TM2D3: variants seen among roughly 807,000 people sequenced by gnomAD.
The protein encoded by TM2D3 is TM2 domain containing 3.
In TM2D3, 33 loss-of-function variants were observed where a neutral mutation model predicts 27.3. That is an observed-to-expected ratio of 1.21 (90% CI 0.92 to 1.61). The LOEUF is 1.61. Among genes scored for constraint, TM2D3 ranks in the 40% most tolerant of loss-of-function variants. The pLI is 0.00. For missense variants in TM2D3, 364 were observed against 320.8 expected, an observed-to-expected ratio of 1.13 and a Z score of -1.03; for synonymous variants, 138 against 122.2, an observed-to-expected ratio of 1.13 and a Z score of -0.85.
At chr15:101,646,371 T>C in intron 4 of TM2D3, 1 of 106,754 alleles carries the variant, frequency 9.4e-6, no homozygotes, top group Non-Finnish European at 2.5e-5. Flanking sequence ...GTGGTTACCT[T>C]GGAAGAGGAG....
At chr15:101,643,599 T>TTAAAAAAAA (rs1309191747) in intron 5 of TM2D3, among the ~76,000 whole-genome samples, 1 of 47,342 alleles carries the variant, frequency 2.1e-5, no homozygotes, top group Non-Finnish European at 3.9e-5. Context: ...GAGACTCCGT[T>TTAAAAAAAA]AAAAAAAAAA....
At chr15:101,646,932 A>G (rs765576264) in intron 3 of TM2D3, 33 bp from the exon 4 acceptor site, 1 of 1,612,456 alleles carries the variant, frequency 6.2e-7, no homozygotes, top group South Asian at 1.1e-5. Flanking sequence ...CTCATCAATC[A>G]CAATGGTGTA....
At chr15:101,649,965 C>T (rs1896925011) in intron 3 of TM2D3, 39 bp downstream of exon 3, 1 of 1,576,994 alleles carries the variant, frequency 6.3e-7, no homozygotes. Context: ...TTAAAGTTTA[C>T]AATGAATTTA....
At position 101,646,762 on chromosome 15, in the gene TM2D3, AG is replaced by A; in HGVS notation, c.464del (p.Pro155LeufsTer38). On this transcript the variant is annotated frameshift_variant, in exon 4 of 6. Coordinates refer to ENST00000333202, the MANE Select transcript of TM2D3 (RefSeq NM_078474.3). LOFTEE classifies it high-confidence loss of function. Reference protein sequence around the residue: ...MTVSCPRQRYPANCTVRDHVH... With the variant: ...MTVSCPRQRYXANCTVRDHVH... The stretch of plus-strand genomic sequence containing the variant: ...CGTGGTCCCGCACCGTGCAGTTGGC[AG>A]GGTAGCGCTGCCGAGGACAGGACAC... The A allele has an allele frequency of 6.2e-7, 1 of 1,614,198 alleles. No individual in the cohort carries two copies. Among genetic ancestry groups the A allele is most frequent in the Non-Finnish European group, 8.5e-7 (1 of 1,180,034 alleles).
chr15:101,645,273 C>A, intron 4 of TM2D3, 111 bp from the exon 5 acceptor site: 1 of 855,506 alleles, frequency 1.2e-6, no homozygotes, highest in Non-Finnish European at 1.8e-6. Context: ...ACTCTCTTTA[C>A]GGTAATACAT....
downstream of TM2D3, among the ~76,000 whole-genome samples, chr15:101,640,765 C>G (rs1179960720): frequency 6.6e-6 from 1 of 152,218 alleles, no homozygotes; most frequent in Non-Finnish European, 1.5e-5. Flanking sequence ...TGAAGCATTC[C>G]TGACTGGCTT....
downstream of TM2D3, chr15:101,637,051 A>G (rs766041053): frequency 2.0e-4 from 42 of 214,722 alleles, no homozygotes; most frequent in Non-Finnish European, 3.7e-4. Flanking sequence ...TATACATTTT[A>G]GGGAGACATA....
In TM2D3 at chr15:101,652,300, A is replaced by C. The variant is rs1897010347; in HGVS notation, c.62T>G (p.Leu21Arg). ...LRALCRVLLF[L>R]SQFCILSGGE... ...GCCCGACAGAATGCAGAACTGCGAG[A>C]GGAAGAGCAGCACGCGACACAAGGC... Residue 21 changes from leucine (L) to arginine (R), a missense_variant, in exon 1 of 6, where the codon CTC (leucine) becomes CGC (arginine). By Grantham distance (102) the Leu-to-Arg change is moderately radical. Transcript: ENST00000333202. 3.7e-6 allele frequency: 6 copies of C among 1,604,158 alleles called. No homozygotes were observed. Among genetic ancestry groups the C allele is most frequent in the Non-Finnish European group, 5.1e-6 (6 of 1,175,838 alleles).
chr15:101,639,422 C>A (rs1363249077), downstream of TM2D3, among the ~76,000 whole-genome samples: 1 of 151,458 alleles, frequency 6.6e-6, no homozygotes, highest in Non-Finnish European at 1.5e-5. Flanking sequence ...TTATGTAGTG[C>A]CTTCATTTTC....
chr15:101,639,694 G>GAA (rs1896625743), downstream of TM2D3, among the ~76,000 whole-genome samples: 1 of 152,114 alleles, frequency 6.6e-6, no homozygotes, highest in Non-Finnish European at 1.5e-5. Context: ...TAAACCAGTT[G>GAA]TTCCTCAGCA....
intron 4 of TM2D3, chr15:101,646,501 A>T: frequency 2.2e-6 from 1 of 458,570 alleles, no homozygotes; most frequent in Non-Finnish European, 4.0e-6. Flanking sequence ...TTATACTTCA[A>T]ATGTTTTTCT....
chr15:101,650,248 A>T, intron 2 of TM2D3, 87 bp from the exon 3 acceptor site: 1 of 1,349,962 alleles, frequency 7.4e-7, no homozygotes. Flanking sequence ...AGACGTGATC[A>T]TTAGCAAGTA....
chr15:101,651,310 T>G (rs1248979939), intron 2 of TM2D3: 1 of 181,408 alleles, frequency 5.5e-6, no homozygotes, highest in Non-Finnish European at 1.2e-5. Context: ...AGTCCCGCTG[T>G]AATCCTTCCA....
Position 101,650,061 on chromosome 15 carries a change from A to C in TM2D3, c.270T>G (p.Cys90Trp). 6.2e-7 allele frequency: 1 copy of C among 1,614,176 alleles called. No individual in the cohort carries two copies. Among genetic ancestry groups the C allele is most frequent in the Non-Finnish European group, 8.5e-7 (1 of 1,180,006 alleles). ...DCIDCTTNFS[C>W]TYGKPVTFDC... ...CAAAAGTGACAGGCTTCCCATAGGT[A>C]CAGGAGAAATTTGTTGTGCAGTCTA... Residue 90 changes from cysteine to tryptophan, a missense_variant, in exon 3 of 6, where the codon TGT becomes TGG. Transcript: ENST00000333202.
At chr15:101,647,858 T>TGTATATATATGTATACATATATATA (rs1896856030) in intron 3 of TM2D3, among the ~76,000 whole-genome samples, 2 of 151,972 alleles carry the variant, frequency 1.3e-5, no homozygotes, top group Admixed American at 6.6e-5. Context: ...GGAAGCATCA[T>TGTATATATATGTATACATATATATA]GTATATATAT....
chr15:101,638,800 AGT>A (rs1413946881), downstream of TM2D3, among the ~76,000 whole-genome samples: 1 of 152,072 alleles, frequency 6.6e-6, no homozygotes, highest in Non-Finnish European at 1.5e-5. Context: ...CTTTTCCTAC[AGT>A]GTGTTTATCA....
downstream of TM2D3, among the ~76,000 whole-genome samples, chr15:101,639,774 C>A (rs1407972065): frequency 1.3e-5 from 2 of 152,190 alleles, no homozygotes; most frequent in Non-Finnish European, 1.5e-5. Context: ...TATATATTAT[C>A]TCCTTGCAGC....
intron 2 of TM2D3, 190 bp downstream of exon 2, chr15:101,651,506 A>AT: frequency 1.9e-6 from 1 of 528,730 alleles, no homozygotes; most frequent in Non-Finnish European, 3.3e-6. Flanking sequence ...CAGAAACGTC[A>AT]AAAGGTATAA....
intron 5 of TM2D3, among the ~76,000 whole-genome samples, chr15:101,644,208 T>A (rs1596263884): frequency 6.6e-6 from 1 of 152,160 alleles, no homozygotes; most frequent in African/African-American, 2.4e-5. Flanking sequence ...CAGTTACACT[T>A]TTCCTGCCAG....
Sources: allele counts gnomAD v4.1 joint callset (sites outside exome capture counted in the v4.1 genomes callset), GRCh38; gene constraint gnomAD v4.1.1; transcripts MANE v1.5; gene names NCBI Gene and HGNC (gene_info 2026-07-23, HGNC 2026-07-21).